NTM: variants seen among roughly 807,000 people sequenced by gnomAD.
NTM encodes the protein IgLON family member 2.
NTM carries 13 observed loss-of-function variants against 42.1 expected under a neutral mutation model. The ratio of observed to expected loss-of-function variants is 0.31; its 90% CI spans 0.20 to 0.49. The LOEUF (loss-of-function observed/expected upper bound fraction) is 0.49. Among genes scored for constraint, NTM ranks in the 20% least tolerant of loss-of-function variants. The pLI, the probability that NTM is intolerant of heterozygous loss-of-function variation, is 0.99. For synonymous variants in NTM, 187 were observed against 179.2 expected (o/e 1.04, Z -0.35); for missense variants, 373 against 452.8 (o/e 0.82, Z 1.60).
In NTM at chr11:132,213,994, A is replaced by G. The variant is rs1295963933; in HGVS notation, c.526+1847A>G. 9.8e-5 allele frequency among the ~76,000 whole-genome samples: 6 copies of G among 61,378 alleles called. 1 individual carries two copies. Among genetic ancestry groups the G allele is most frequent in the Non-Finnish European group, 2.7e-4 (6 of 22,576 alleles). The allele number at this position is 61,378 out of a possible 152,430, so 40.3% of individuals were successfully genotyped here. ...CGTGATCCGCCCGCCTCGGCCTCCC[A>G]AAGTGCTGGGATTACAGGCGTGAGC... is the stretch of plus-strand genomic sequence containing the variant. On this transcript the variant is annotated intron_variant, in intron 4 of 8. Transcript: ENST00000683400.
chr11:131,555,030 C>T (rs2055214427), intron 1 of NTM, among the ~76,000 whole-genome samples: 1 of 152,150 alleles, frequency 6.6e-6, no homozygotes, highest in African/African-American at 2.4e-5. Context: ...TGTGTGGTGG[C>T]TTGTGCCAGT....
intron 1 of NTM, among the ~76,000 whole-genome samples, chr11:131,676,901 G>A (rs912695423): frequency 1.3e-5 from 2 of 152,172 alleles, no homozygotes; most frequent in African/African-American, 2.4e-5. Context: ...GTCGCCTCAC[G>A]ACGGACCTGT....
intron 4 of NTM, among the ~76,000 whole-genome samples, chr11:132,245,103 TG>T (rs2090901914): frequency 6.6e-6 from 1 of 152,188 alleles, no homozygotes; most frequent in Non-Finnish European, 1.5e-5. Context: ...CAATGGCTGC[TG>T]GATTAGGCAG....
At chr11:131,740,390 C>A (rs1290717601) in intron 1 of NTM, among the ~76,000 whole-genome samples, 1 of 152,072 alleles carries the variant, frequency 6.6e-6, no homozygotes, top group Non-Finnish European at 1.5e-5. Context: ...CAAATAGTTC[C>A]ATTTTTAAAT....
At chr11:132,329,373 G>A (rs2095754347) in intron 7 of NTM, among the ~76,000 whole-genome samples, 1 of 152,210 alleles carries the variant, frequency 6.6e-6, no homozygotes, top group East Asian at 1.9e-4. Flanking sequence ...AGGTTGTTCT[G>A]AGAGTTGAAG....
At chr11:132,055,582 A>G (rs2079512666) in intron 2 of NTM, among the ~76,000 whole-genome samples, 1 of 152,116 alleles carries the variant, frequency 6.6e-6, no homozygotes, top group South Asian at 2.1e-4. Flanking sequence ...GTGCATTTTG[A>G]AAGTGCTTAA....
chr11:131,755,152 G>C (rs775980187), intron 1 of NTM, among the ~76,000 whole-genome samples: 1 of 152,070 alleles, frequency 6.6e-6, no homozygotes, highest in Non-Finnish European at 1.5e-5. Flanking sequence ...AACTTATTGA[G>C]CCACATCACT....
intron 1 of NTM, among the ~76,000 whole-genome samples, chr11:131,378,816 C>T (rs941893405): frequency 3.3e-5 from 5 of 152,188 alleles, no homozygotes; most frequent in Admixed American, 2.6e-4. Context: ...CTCCCTGCCC[C>T]TCCCCAGGAA....
At chr11:132,201,761 G>A (rs1478641804) in intron 3 of NTM, among the ~76,000 whole-genome samples, 1 of 152,174 alleles carries the variant, frequency 6.6e-6, no homozygotes, top group African/African-American at 2.4e-5. Flanking sequence ...GCATTCATTT[G>A]CAGAGTGATT....
chr11:131,774,144 G>A, intron 1 of NTM: 1 of 983,948 alleles, frequency 1.0e-6, no homozygotes, highest in Non-Finnish European at 1.2e-6. Flanking sequence ...CTTCATAAAT[G>A]TCAGTGGGAA....
chr11:132,169,042 C>T (rs890994002), intron 3 of NTM, among the ~76,000 whole-genome samples: 2 of 146,680 alleles, frequency 1.4e-5, no homozygotes, highest in Non-Finnish European at 3.0e-5. Context: ...ACTCATTATC[C>T]ATCCACCCCC....
At chr11:132,216,232 C>A (rs1441102692) in intron 4 of NTM, among the ~76,000 whole-genome samples, 1 of 152,226 alleles carries the variant, frequency 6.6e-6, no homozygotes, top group Non-Finnish European at 1.5e-5. Flanking sequence ...TGTTGGACCT[C>A]ACTCTTCATA....
At chr11:131,657,060 G>A (rs1242320539) in intron 1 of NTM, among the ~76,000 whole-genome samples, 1 of 151,582 alleles carries the variant, frequency 6.6e-6, no homozygotes, top group Admixed American at 6.6e-5. Flanking sequence ...AGGCGGGCCT[G>A]GAGAAGGTCA....
At chr11:131,656,692 C>T (rs2067227989) in intron 1 of NTM, among the ~76,000 whole-genome samples, 1 of 152,138 alleles carries the variant, frequency 6.6e-6, no homozygotes, top group South Asian at 2.1e-4. Flanking sequence ...GAGGAAGGGG[C>T]ACTACCTCGT....
intron 2 of NTM, among the ~76,000 whole-genome samples, chr11:132,015,616 G>A (rs1469385974): frequency 7.2e-6 from 1 of 138,032 alleles, no homozygotes; most frequent in Admixed American, 7.2e-5. Context: ...TACCTCTGAA[G>A]TAAAATTTAT....
intron 3 of NTM, among the ~76,000 whole-genome samples, chr11:132,183,264 C>T (rs142649019): frequency 7.9e-5 from 12 of 152,276 alleles, no homozygotes; most frequent in African/African-American, 2.6e-4. Context: ...GAGGCATGCC[C>T]ACCAACTTGT....
rs147288012 is a variant in NTM at position 132,305,718 on chromosome 11, T to G, written c.527-1971T>G. Among the ~76,000 whole-genome samples, 8 of 152,324 alleles carry G rather than the reference T, an allele frequency of 5.3e-5. No individual in the cohort carries two copies. In the East Asian group the frequency reaches 1.5e-3, roughly 29 times the overall value. ...TTCTTCATTTAAAGCTCTTCTCAAT[T>G]CTTCCACCCATCCTCAAATCAAGGT... On this transcript the variant is annotated intron_variant, in intron 4 of 8. Coordinates refer to ENST00000683400, the MANE Select transcript of NTM (RefSeq NM_001352005.2).
intron 1 of NTM, among the ~76,000 whole-genome samples, chr11:131,560,495 T>A (rs7113278): frequency 0.26 from 38,970 of 152,024 alleles, 5,371 homozygotes; most frequent in East Asian, 0.4. Flanking sequence ...AAGAGAACCT[T>A]TTGTGGAATT....
intron 2 of NTM, among the ~76,000 whole-genome samples, chr11:132,019,552 A>G (rs1224480690): frequency 6.6e-6 from 1 of 152,058 alleles, no homozygotes; most frequent in African/African-American, 2.4e-5. Flanking sequence ...CTCTTTTATC[A>G]TACTGAAATA....
Sources: allele counts gnomAD v4.1 joint callset (sites outside exome capture counted in the v4.1 genomes callset), GRCh38; gene constraint gnomAD v4.1.1; transcripts MANE v1.5; gene names NCBI Gene and HGNC (gene_info 2026-07-23, HGNC 2026-07-21).